Variants in DPY19L3 observed in about 807,000 individuals in gnomAD.
The protein encoded by DPY19L3 is protein C-mannosyl-transferase DPY19L3.
In DPY19L3, 51 loss-of-function variants were observed where a neutral mutation model predicts 92.3. The observed-to-expected ratio is 0.55, with a 90% CI of 0.44 to 0.70. The LOEUF is 0.70. Ranked by LOEUF, DPY19L3 falls within the 30% of genes least tolerant of loss-of-function variation. The pLI is 0.00. For synonymous variants in DPY19L3, 309 were observed against 315.2 expected, an observed-to-expected ratio of 0.98 and a Z score of 0.21; for missense variants, 706 against 855.9, an observed-to-expected ratio of 0.82 and a Z score of 2.18.
chr19:32,441,814 T>C (rs1969334582), intron 8 of DPY19L3, among the ~76,000 whole-genome samples: 1 of 152,160 alleles, frequency 6.6e-6, no homozygotes, highest in African/African-American at 2.4e-5. Flanking sequence ...GTATCTCTTT[T>C]AAAATTAGAA....
At chr19:32,472,657 G>A (rs983445978) in intron 16 of DPY19L3, among the ~76,000 whole-genome samples, 17 of 151,940 alleles carry the variant, frequency 1.1e-4, no homozygotes, top group African/African-American at 3.9e-4. Flanking sequence ...ACAATCTGTG[G>A]TTTCTACCTT....
intron 8 of DPY19L3, among the ~76,000 whole-genome samples, chr19:32,445,767 G>A (rs913655113): frequency 2.0e-5 from 3 of 152,150 alleles, no homozygotes; most frequent in South Asian, 2.1e-4. Flanking sequence ...TTGGGAGGAC[G>A]AGGTGGGTGG....
rs570834178 is a variant in DPY19L3, at chr19:32,424,012, A to G, written c.238-8704A>G. Among the ~76,000 whole-genome samples the G allele has an allele frequency of 6.0e-5, 9 of 148,782 alleles. No individual in the cohort carries two copies. The East Asian group carries it at 1.2e-3, about 20-fold the overall frequency. On this transcript the variant is annotated intron_variant, in intron 3 of 18. Coordinates refer to ENST00000392250, the MANE Select transcript of DPY19L3 (RefSeq NM_001172774.2). ...TGGGTGACAGAATGAGACCATCTCG[A>G]AAAAAAAAAGGTTGGGGAGGCCAGC...
intron 16 of DPY19L3, among the ~76,000 whole-genome samples, chr19:32,469,515 A>C (rs1970293586): frequency 6.6e-6 from 1 of 151,898 alleles, no homozygotes. Flanking sequence ...AAAAAGAAAG[A>C]AAAAAGAAAA....
chr19:32,443,248 G>C (rs1453401382), intron 8 of DPY19L3, among the ~76,000 whole-genome samples: 2 of 152,190 alleles, frequency 1.3e-5, no homozygotes, highest in Non-Finnish European at 2.9e-5. Flanking sequence ...CTGACCCCCA[G>C]ATGTCAGTGG....
rs1264625454 is a variant in DPY19L3 at position 32,483,108 on chromosome 19, TG to T, written c.*869del. ...GGTTTGCAAAATTTTGTAAACTTTT[TG>T]TGTTTTTAGCCTTTGTATTTTTTAC... is the stretch of plus-strand genomic sequence containing the variant. On this transcript the variant is annotated 3_prime_UTR_variant, in exon 19 of 19. Transcript: ENST00000392250. 1.1e-4 allele frequency: 16 copies of T among 152,360 alleles called. No individual in the cohort carries two copies. Among genetic ancestry groups the T allele is most frequent in the Middle Eastern group, 3.4e-3 (1 of 294 alleles). The allele number at this position is 152,360 out of a possible 1,614,324, so 9.4% of individuals were successfully genotyped here.
intron 3 of DPY19L3, among the ~76,000 whole-genome samples, chr19:32,418,962 A>G (rs1230652920): frequency 6.6e-6 from 1 of 152,188 alleles, no homozygotes; most frequent in Non-Finnish European, 1.5e-5. Flanking sequence ...TTCATATAGT[A>G]GTATAAAAGA....
chr19:32,464,550 A>T (rs1333064671), intron 14 of DPY19L3, among the ~76,000 whole-genome samples, 178 bp from the exon 15 acceptor site: 2 of 152,266 alleles, frequency 1.3e-5, no homozygotes, highest in South Asian at 2.1e-4. Context: ...AGAAGTGTTT[A>T]AAAAAGCCGG....
At chr19:32,457,348 C>A (rs1282521154) in intron 10 of DPY19L3, among the ~76,000 whole-genome samples, 1 of 152,146 alleles carries the variant, frequency 6.6e-6, no homozygotes, top group African/African-American at 2.4e-5. Flanking sequence ...CTCTTATAAA[C>A]CCGTGAGTAA....
Position 32,484,888 on chromosome 19 carries a change from T to C in DPY19L3, c.*2648T>C, listed in dbSNP as rs1178862313. ...CTGAGTTGCCAATAAAAGTTGCTTTTAAATTAGGTGTGGCTGGGAATATTA... is the reference window on the plus strand; with the variant it reads ...CTGAGTTGCCAATAAAAGTTGCTTTCAAATTAGGTGTGGCTGGGAATATTA... On this transcript the variant is annotated 3_prime_UTR_variant, in exon 19 of 19. Coordinates refer to ENST00000392250, the MANE Select transcript of DPY19L3 (RefSeq NM_001172774.2). 1 of 152,228 alleles carries C rather than the reference T, an allele frequency of 6.6e-6. No homozygotes were observed. The highest frequency in any genetic ancestry group is 2.4e-5 in the African/African-American group (1 of 41,460). 9.4% of individuals were successfully genotyped at this position (152,228 alleles called of 1,614,324 possible). A position where few individuals can be genotyped will look rare whatever the true frequency, so the allele number is the denominator to read the frequency against.
At chr19:32,416,340 C>T (rs141511601) in intron 3 of DPY19L3, among the ~76,000 whole-genome samples, 2,473 of 152,254 alleles carry the variant, frequency 0.016, 60 homozygotes, top group African/African-American at 0.057. Context: ...CAACGAGCAC[C>T]GGGAGGAGCA....
At chr19:32,478,873 G>A (rs531337525) in intron 17 of DPY19L3, among the ~76,000 whole-genome samples, 4 of 152,188 alleles carry the variant, frequency 2.6e-5, no homozygotes, top group South Asian at 4.2e-4. Flanking sequence ...TTCCAGGCAC[G>A]GTGTCTGTCT....
At position 32,422,629 on chromosome 19, in the gene DPY19L3, AACACACAC is replaced by A. The variant is rs66481682; in HGVS notation, c.238-10062_238-10055del. 1.3e-3 allele frequency among the ~76,000 whole-genome samples: 198 copies of A among 146,824 alleles called. 1 individual carries two copies. Among genetic ancestry groups the A allele is most frequent in the Middle Eastern group, 3.5e-3 (1 of 284 alleles). The stretch of plus-strand genomic sequence containing the variant: ...AGAACGAGAACAATAAATCAGGAAA[AACACACAC>A]ACACACACACACACACACACACACG... On this transcript the variant is annotated intron_variant, in intron 3 of 18. Coordinates refer to ENST00000392250, the MANE Select transcript of DPY19L3 (RefSeq NM_001172774.2).
At chr19:32,455,207 A>G (rs559732868) in intron 10 of DPY19L3, among the ~76,000 whole-genome samples, 167 bp downstream of exon 10, 1 of 152,196 alleles carries the variant, frequency 6.6e-6, no homozygotes. Flanking sequence ...TGGCCCTCCC[A>G]CCTTAGCCTC....
chr19:32,472,077 T>A, intron 16 of DPY19L3, among the ~76,000 whole-genome samples: 1 of 152,158 alleles, frequency 6.6e-6, no homozygotes, highest in East Asian at 1.9e-4. Flanking sequence ...CCCTCATTCT[T>A]TTCTCCCGAA....
In DPY19L3 at chr19:32,463,831, C is replaced by T. The variant is rs112710649; in HGVS notation, c.1446-38C>T. ...TCTCAGAATCCAGGTTTATATACAA[C>T]TAGTACTTCTGACTTGCGCCTGTGT... is the stretch of plus-strand genomic sequence containing the variant. On this transcript the variant is annotated intron_variant, in intron 13 of 18. Coordinates refer to ENST00000392250, the MANE Select transcript of DPY19L3 (RefSeq NM_001172774.2). 1,502 of 1,525,156 alleles carry T rather than the reference C, an allele frequency of 9.8e-4. 12 individuals carry two copies. In the African/African-American group the frequency reaches 0.017, roughly 17 times the overall value. The allele number at this position is 1,525,156 out of a possible 1,614,324, so 94.5% of individuals were successfully genotyped here.
intron 3 of DPY19L3, among the ~76,000 whole-genome samples, chr19:32,415,738 T>C (rs1968357245): frequency 6.6e-6 from 1 of 152,184 alleles, no homozygotes; most frequent in African/African-American, 2.4e-5. Context: ...TCAGTGAGTA[T>C]CTTCTGTATG....
chr19:32,482,259 G>T lies in DPY19L3; in HGVS notation c.*19G>T. The T allele has an allele frequency of 6.2e-7, 1 of 1,600,038 alleles. No individual in the cohort carries two copies. The highest frequency in any genetic ancestry group is 8.5e-7 in the Non-Finnish European group (1 of 1,175,092). On this transcript the variant is annotated 3_prime_UTR_variant, in exon 19 of 19. Coordinates refer to ENST00000392250, the MANE Select transcript of DPY19L3 (RefSeq NM_001172774.2). ...CAAGTAGCGCAGATTTCTGCCCAGT[G>T]TCTATTTTTGATACGGAGAAACTGC... is the stretch of plus-strand genomic sequence containing the variant.
At chr19:32,481,894 G>T in intron 18 of DPY19L3, 185 bp from the exon 19 acceptor site, 1 of 632,532 alleles carries the variant, frequency 1.6e-6, no homozygotes. Flanking sequence ...TCTCAGCCTT[G>T]GTCTGCACTT....
Sources: gnomAD v4.1 joint callset for allele counts (sites outside exome capture counted in the v4.1 genomes callset) on GRCh38, gnomAD v4.1.1 for gene constraint, MANE v1.5 for transcripts, NCBI Gene and HGNC (gene_info 2026-07-23, HGNC 2026-07-21) for gene names.